ZBTB20: variants seen among roughly 807,000 people sequenced by gnomAD.
ZBTB20 encodes the protein zinc finger and BTB domain containing 20, also known as zinc finger and BTB domain-containing protein 20.
ZBTB20 carries 9 observed loss-of-function variants against 56.9 expected under a neutral mutation model. The observed-to-expected ratio is 0.16, with a 90% CI of 0.10 to 0.28. The LOEUF (loss-of-function observed/expected upper bound fraction) is 0.28, where lower values mean the gene tolerates loss of function less well. Among genes scored for constraint, ZBTB20 ranks in the 10% least tolerant of loss-of-function variants. ZBTB20 has a pLI of 1.00. For missense variants in ZBTB20, 655 were observed against 1,003.0 expected (o/e 0.65, Z 4.69); for synonymous variants, 417 against 420.7 (o/e 0.99, Z 0.11).
intron 1 of ZBTB20, among the ~76,000 whole-genome samples, chr3:115,079,379 C>CCTAT (rs1553890926): frequency 6.7e-6 from 1 of 149,458 alleles, no homozygotes; most frequent in African/African-American, 2.5e-5. Context: ...TCAAGTCTTT[C>CCTAT]TTATTTATTT....
chr3:114,330,417 T>A lies in ZBTB20; in HGVS notation c.*8588A>T, dbSNP rs1283448614. 6.6e-6 allele frequency: 1 copy of A among 152,232 alleles called. No individual in the cohort carries two copies. Among genetic ancestry groups the A allele is most frequent in the Non-Finnish European group, 1.5e-5 (1 of 68,038 alleles). The allele number at this position is 152,232 out of a possible 1,614,324, so 9.4% of individuals were successfully genotyped here. A position where few individuals can be genotyped will look rare whatever the true frequency, so the allele number is the denominator to read the frequency against. ...CAATATAGAGTTGTTATATATAATGTGTATGTCCTAGGTTTCAGAAATACT... is the reference window on the plus strand; with the variant it reads ...CAATATAGAGTTGTTATATATAATGAGTATGTCCTAGGTTTCAGAAATACT... On this transcript the variant is annotated 3_prime_UTR_variant, in exon 12 of 12. Coordinates refer to ENST00000675478, the MANE Select transcript of ZBTB20 (RefSeq NM_001348800.3).
intron 4 of ZBTB20, among the ~76,000 whole-genome samples, chr3:114,826,641 G>A (rs914829810): frequency 2.6e-5 from 4 of 151,588 alleles, no homozygotes; most frequent in Admixed American, 6.6e-5. Flanking sequence ...AGTGCACAAC[G>A]TGAACACTGT....
intron 2 of ZBTB20, among the ~76,000 whole-genome samples, chr3:115,067,867 G>T (rs976063563): frequency 2.0e-5 from 3 of 152,088 alleles, no homozygotes; most frequent in Non-Finnish European, 2.9e-5. Flanking sequence ...AATAGTGGTG[G>T]ATTAACCCAT....
At chr3:114,538,119 C>T (rs998434732) in intron 6 of ZBTB20, among the ~76,000 whole-genome samples, 1 of 152,034 alleles carries the variant, frequency 6.6e-6, no homozygotes, top group Non-Finnish European at 1.5e-5. Context: ...TATCCCAGAA[C>T]TTAAAAGTAT....
intron 1 of ZBTB20, among the ~76,000 whole-genome samples, chr3:115,105,636 T>C (rs111923154): frequency 1.9e-4 from 29 of 152,308 alleles, no homozygotes; most frequent in African/African-American, 6.3e-4. Flanking sequence ...CCATCTAAAG[T>C]ACATACTCTA....
At chr3:114,768,282 A>G (rs1051958992) in intron 5 of ZBTB20, among the ~76,000 whole-genome samples, 6 of 152,028 alleles carry the variant, frequency 3.9e-5, no homozygotes, top group Admixed American at 2.0e-4. Flanking sequence ...GACTTGACCA[A>G]TAACTATTTA....
chr3:114,946,913 C>G (rs2107884740), intron 3 of ZBTB20, among the ~76,000 whole-genome samples: 1 of 145,584 alleles, frequency 6.9e-6, no homozygotes, highest in Non-Finnish European at 1.5e-5. Context: ...ATCAATCAGA[C>G]AGAGGACTAA....
intron 7 of ZBTB20, among the ~76,000 whole-genome samples, chr3:114,437,906 G>A (rs977168678): frequency 9.2e-5 from 14 of 152,178 alleles, no homozygotes; most frequent in Admixed American, 9.2e-4. Context: ...AACTGTCAGT[G>A]TGGACAGGCC....
At chr3:114,675,327 T>C (rs1453503136) in intron 6 of ZBTB20, among the ~76,000 whole-genome samples, 1 of 122,036 alleles carries the variant, frequency 8.2e-6, no homozygotes, top group Non-Finnish European at 1.6e-5. Context: ...AAGGTTACTG[T>C]GTTTTTTTTG....
rs377158012 is a variant in ZBTB20 at position 114,402,933 on chromosome 3, C to A, written c.-254-13828G>T. 1.2e-3 allele frequency among the ~76,000 whole-genome samples: 189 copies of A among 152,212 alleles called. 4 individuals are homozygous for A. The South Asian group carries it at 0.037, about 30-fold the overall frequency. On this transcript the variant is annotated intron_variant, in intron 7 of 11. Transcript: ENST00000675478. The stretch of plus-strand genomic sequence containing the variant: ...TTTCAGGATACTATGTCAGACAGTT[C>A]CTTCACAGTGGTGTGTCTGGCACCT...
At chr3:114,645,496 T>C (rs1242336166) in intron 6 of ZBTB20, among the ~76,000 whole-genome samples, 1 of 152,156 alleles carries the variant, frequency 6.6e-6, no homozygotes, top group Non-Finnish European at 1.5e-5. Flanking sequence ...CTTTATTTGT[T>C]AATTCCAGAG....
chr3:114,343,195 G>A (rs926549307), intron 11 of ZBTB20, among the ~76,000 whole-genome samples: 3 of 151,796 alleles, frequency 2.0e-5, no homozygotes. Context: ...AGATGCAGAG[G>A]GTTCTGCCTG....
chr3:114,614,729 G>A (rs1302578634), intron 6 of ZBTB20, among the ~76,000 whole-genome samples: 5 of 132,718 alleles, frequency 3.8e-5, no homozygotes, highest in African/African-American at 9.9e-5. Context: ...TCTCATAGTG[G>A]CCACTTTTTT....
intron 7 of ZBTB20, among the ~76,000 whole-genome samples, chr3:114,393,289 T>G (rs2086048399): frequency 6.6e-6 from 1 of 152,216 alleles, no homozygotes; most frequent in Admixed American, 6.5e-5. Context: ...AGGAAATCAC[T>G]CATCAATAGT....
chr3:114,944,679 C>A (rs958701457), intron 3 of ZBTB20, among the ~76,000 whole-genome samples: 4 of 145,554 alleles, frequency 2.7e-5, no homozygotes, highest in African/African-American at 1.1e-4. Flanking sequence ...TCATTTACAA[C>A]AACATACGTG....
chr3:114,465,087 AG>A, intron 7 of ZBTB20, among the ~76,000 whole-genome samples: 1 of 150,206 alleles, frequency 6.7e-6, no homozygotes, highest in South Asian at 2.1e-4. Context: ...AAAAAAAAAA[AG>A]CCAGTTGTAA....
intron 3 of ZBTB20, among the ~76,000 whole-genome samples, chr3:114,918,200 GGTTC>G (rs1335525734): frequency 1.3e-5 from 2 of 152,050 alleles, no homozygotes; most frequent in Non-Finnish European, 2.9e-5. Flanking sequence ...AAGACCCAAA[GGTTC>G]TTCAGTCAGC....
intron 4 of ZBTB20, among the ~76,000 whole-genome samples, chr3:114,812,185 G>T (rs909567078): frequency 6.6e-6 from 1 of 152,186 alleles, no homozygotes; most frequent in Non-Finnish European, 1.5e-5. Context: ...GCTGGCTCCG[G>T]CAGCCTGCTT....
intron 10 of ZBTB20, among the ~76,000 whole-genome samples, chr3:114,371,781 TG>T (rs1283701394): frequency 6.6e-6 from 1 of 152,230 alleles, no homozygotes; most frequent in African/African-American, 2.4e-5. Flanking sequence ...TTGTGTTATT[TG>T]GGCCTCAGTT....
Sources: allele counts gnomAD v4.1 joint callset (sites outside exome capture counted in the v4.1 genomes callset), GRCh38; gene constraint gnomAD v4.1.1; transcripts MANE v1.5; gene names NCBI Gene and HGNC (gene_info 2026-07-23, HGNC 2026-07-21).